CSPG4: variants seen among roughly 807,000 people sequenced by gnomAD.
The protein encoded by CSPG4 is chondroitin sulfate proteoglycan 4.
CSPG4 carries 74 observed loss-of-function variants against 139.3 expected under a neutral mutation model. The ratio of observed to expected loss-of-function variants is 0.53; its 90% CI spans 0.44 to 0.64. The LOEUF is 0.64. CSPG4 is among the 30% of genes least tolerant of loss of function. The pLI is 0.00. For missense variants in CSPG4, 2,565 were observed against 3,148.3 expected, an observed-to-expected ratio of 0.81 and a Z score of 4.43; for synonymous variants, 1,234 against 1,394.2, an observed-to-expected ratio of 0.89 and a Z score of 2.56.
chr15:75,690,885 G>A (rs1894157124), intron 2 of CSPG4, 73 bp from the exon 3 acceptor site: 1 of 1,495,644 alleles, frequency 6.7e-7, no homozygotes, highest in Admixed American at 2.0e-5. Flanking sequence ...AAAGCATAGA[G>A]CCGGGCGTGA....
At chr15:75,706,379 G>T (rs1028061667) in intron 1 of CSPG4, among the ~76,000 whole-genome samples, 1 of 152,176 alleles carries the variant, frequency 6.6e-6, no homozygotes, top group Non-Finnish European at 1.5e-5. Context: ...GCAATACTGC[G>T]TGTGTGTGAG....
chr15:75,710,636 T>G (rs1016698250), intron 1 of CSPG4, among the ~76,000 whole-genome samples: 1 of 152,130 alleles, frequency 6.6e-6, no homozygotes, highest in Non-Finnish European at 1.5e-5. Flanking sequence ...GCCTCAAATG[T>G]TGATGAGTAG....
At chr15:75,704,697 G>A (rs1894347019) in intron 1 of CSPG4, among the ~76,000 whole-genome samples, 1 of 152,158 alleles carries the variant, frequency 6.6e-6, no homozygotes, top group Non-Finnish European at 1.5e-5. Flanking sequence ...ACCCCACTCT[G>A]CAGTCACCTC....
chr15:75,689,644 C>G lies in CSPG4; in HGVS notation c.1421G>C (p.Arg474Pro). ...RKSQVLFSVT[R>P]GARHGELELD... ...CTCGAGCTCGCCATGGCGTGCCCCT[C>G]GGGTCACGCTGAACAGCACCTGGGA... The change falls in exon 3 of 10, where the codon CGA becomes CCA. Residue 474 changes from arginine (R) to proline (P), a missense_variant. Coordinates refer to ENST00000308508, the MANE Select transcript of CSPG4 (RefSeq NM_001897.5). 1.9e-6 allele frequency: 3 copies of G among 1,612,896 alleles called. No homozygotes were observed. The South Asian group carries it at 3.3e-5, about 18-fold the overall frequency.
chr15:75,689,645 G>A lies in CSPG4; in HGVS notation c.1420C>T (p.Arg474Ter), dbSNP rs1167369827. 3 of 1,612,888 alleles carry A rather than the reference G, an allele frequency of 1.9e-6. No individual in the cohort carries two copies. Among genetic ancestry groups the A allele is most frequent in the East Asian group, 2.2e-5 (1 of 44,874 alleles). The change falls in exon 3 of 10, where the codon CGA becomes TGA. Residue 474 changes from arginine (R) to a stop codon, truncating the protein, a stop_gained. Coordinates refer to ENST00000308508, the MANE Select transcript of CSPG4 (RefSeq NM_001897.5). LOFTEE classifies it high-confidence loss of function. The stretch of plus-strand genomic sequence containing the variant: ...TCGAGCTCGCCATGGCGTGCCCCTC[G>A]GGTCACGCTGAACAGCACCTGGGAT... ...RKSQVLFSVT[R>*]GARHGELELD...
rs1360301763 is a variant in CSPG4 at position 75,712,681 on chromosome 15, T to C, written c.75A>G (p.Arg25=). ...CCCCTCACTCACCCGCGGATGCAAG[T>C]CTGGCCAACATAGTCAGGGTCAAAG... ...ALALTLTMLA[R]LASAASFFGE... Residue 25 remains arginine, a synonymous_variant, in exon 1 of 10, where the codon AGA becomes AGG. Transcript: ENST00000308508. 1.3e-6 allele frequency: 2 copies of C among 1,563,478 alleles called. No homozygotes were observed. The highest frequency in any genetic ancestry group is 1.7e-6 in the Non-Finnish European group (2 of 1,154,352).
At chr15:75,677,540 A>G (rs1388693210) in intron 9 of CSPG4, among the ~76,000 whole-genome samples, 156 bp from the exon 10 acceptor site, 1 of 152,138 alleles carries the variant, frequency 6.6e-6, no homozygotes, top group Non-Finnish European at 1.5e-5. Context: ...GATAAGGACT[A>G]TGTCCCCGCT....
chr15:75,685,400 T>C lies in CSPG4; in HGVS notation c.4091A>G (p.Asn1364Ser), dbSNP rs775822272. 46 of 1,611,508 alleles carry C rather than the reference T, an allele frequency of 2.9e-5. No individual in the cohort carries two copies. The highest frequency in any genetic ancestry group is 3.9e-5 in the Non-Finnish European group (46 of 1,179,624). ...LPAAIPLEAQ[N>S]FSVPEGGSLT... The stretch of plus-strand genomic sequence containing the variant: ...GCTGCCACCCTCAGGGACGCTGAAG[T>C]TTTGCGCCTCTAGTGGGATGGCAGC... The change falls in exon 4 of 10, where the codon AAC becomes AGC. Residue 1364 changes from asparagine to serine, a missense_variant. Coordinates refer to ENST00000308508, the MANE Select transcript of CSPG4 (RefSeq NM_001897.5).
intron 9 of CSPG4, 46 bp from the exon 10 acceptor site, chr15:75,677,430 G>A (rs1893910267): frequency 2.1e-6 from 3 of 1,402,294 alleles, no homozygotes; most frequent in Non-Finnish European, 1.9e-6. Context: ...ACTGAGGGGA[G>A]AGTGATGGAC....
intron 1 of CSPG4, among the ~76,000 whole-genome samples, chr15:75,695,827 G>A (rs1407407668): frequency 1.3e-5 from 2 of 152,168 alleles, no homozygotes; most frequent in Non-Finnish European, 2.9e-5. Context: ...AAGGCCGAGT[G>A]AGACTGGCAG....
Position 75,687,606 on chromosome 15 carries a change from G to A in CSPG4, c.3459C>T (p.Asp1153=). ...CCCCACTGCGGATGTCGAGGTTGGT[G>A]TCCAGGTGGAGCACGGCCGTGTCGA... ...GTIDTAVLHL[D]TNLDIRSGDE... The change falls in exon 3 of 10, where the codon GAC becomes GAT. Residue 1153 remains aspartate, a synonymous_variant. Transcript: ENST00000308508. This position sits in a 1 kb window ranked among gnomAD's most constrained non-coding sequence, Gnocchi z 5.4. 6.2e-7 allele frequency: 1 copy of A among 1,611,766 alleles called. No individual in the cohort carries two copies. Among genetic ancestry groups the A allele is most frequent in the Non-Finnish European group, 8.5e-7 (1 of 1,179,208 alleles).
At chr15:75,678,662 C>A (rs746147022) in intron 8 of CSPG4, 1 of 456,126 alleles carries the variant, frequency 2.2e-6, no homozygotes, top group South Asian at 1.5e-5. Context: ...CCAGAAAAAA[C>A]TATTCTTGAC....
At position 75,689,643 on chromosome 15, in the gene CSPG4, TC is replaced by T. The variant is rs1894129945; in HGVS notation, c.1421del (p.Arg474GlnfsTer27). On this transcript the variant is annotated frameshift_variant, in exon 3 of 10. Transcript: ENST00000308508. LOFTEE classifies it high-confidence loss of function. ...GCTCGAGCTCGCCATGGCGTGCCCC[TC>T]GGGTCACGCTGAACAGCACCTGGGA... Reference protein sequence around the residue: ...RKSQVLFSVTRGARHGELELD... With the variant: ...RKSQVLFSVTXGARHGELELD... 1 of 1,612,742 alleles carries T rather than the reference TC, an allele frequency of 6.2e-7. No homozygotes were observed. Among genetic ancestry groups the T allele is most frequent in the African/African-American group, 1.3e-5 (1 of 74,936 alleles).
intron 1 of CSPG4, among the ~76,000 whole-genome samples, chr15:75,695,108 C>T (rs1248019797): frequency 6.6e-6 from 1 of 152,196 alleles, no homozygotes; most frequent in Non-Finnish European, 1.5e-5. Context: ...TACTGCAAAT[C>T]AGGGTTCCCC....
At chr15:75,677,630 C>T in intron 9 of CSPG4, 73 bp downstream of exon 9, 5 of 1,477,818 alleles carry the variant, frequency 3.4e-6, no homozygotes, top group Non-Finnish European at 4.5e-6. Flanking sequence ...CTGACCCTGG[C>T]CTCGTGTCCC....
Position 75,682,686 on chromosome 15 carries a change from G to A in CSPG4, c.4704C>T (p.Pro1568=), listed in dbSNP as rs747859506. 7.8e-5 allele frequency: 126 copies of A among 1,612,916 alleles called. No individual in the cohort carries two copies. The highest frequency in any genetic ancestry group is 2.0e-4 in the African/African-American group (15 of 74,936). ...FRLSDGEHTS[P]GHFFRVTAQK... ...GGGCCGTCACTCGGAAGAAGTGTCC[G>A]GGGGAAGTGTGCTCGCCGTCAGAGA... is the stretch of plus-strand genomic sequence containing the variant. Residue 1568 remains proline (P), a synonymous_variant, in exon 7 of 10, where the codon CCC becomes CCT. Coordinates refer to ENST00000308508, the MANE Select transcript of CSPG4 (RefSeq NM_001897.5).
chr15:75,706,055 G>T (rs1269523164), intron 1 of CSPG4, among the ~76,000 whole-genome samples: 3 of 152,226 alleles, frequency 2.0e-5, no homozygotes, highest in Non-Finnish European at 4.4e-5. Context: ...GACTCTAGCT[G>T]CAGGAGAGCT....
chr15:75,677,194 C>A lies in CSPG4; in HGVS notation c.5325G>T (p.Leu1775=). Residue 1775 remains leucine, a synonymous_variant, in exon 10 of 10, where the codon CTG becomes CTT. Transcript: ENST00000308508. ...GCTGCCCTGCAGCCAGCTGGGACTG[C>A]AGGAAGTGGGGCTGCCCAGCATGGA... ...EPLHAGQPHF[L]QSQLAAGQLV... 1 of 1,444,492 alleles carries A rather than the reference C, an allele frequency of 6.9e-7. No individual in the cohort carries two copies. The highest frequency in any genetic ancestry group is 1.6e-5 in the South Asian group (1 of 64,006). 89.5% of individuals were successfully genotyped at this position (1,444,492 alleles called of 1,614,324 possible). A position where few individuals can be genotyped will look rare whatever the true frequency, so the allele number is the denominator to read the frequency against.
At chr15:75,710,617 G>A (rs1566978999) in intron 1 of CSPG4, among the ~76,000 whole-genome samples, 2 of 152,172 alleles carry the variant, frequency 1.3e-5, no homozygotes, top group Non-Finnish European at 1.5e-5. Context: ...CAGGCCCCCT[G>A]ACCTGGATGC....
Sources: gnomAD v4.1 joint callset for allele counts (sites outside exome capture counted in the v4.1 genomes callset) on GRCh38, gnomAD v4.1.1 for gene constraint, Gnocchi (gnomAD v3.1) non-coding constraint, MANE v1.5 for transcripts, NCBI Gene and HGNC (gene_info 2026-07-23, HGNC 2026-07-21) for gene names.